Variants in DACH1 observed in about 807,000 individuals in gnomAD.
The protein encoded by DACH1 is dachshund family transcription factor 1, also known as dachshund homolog 1.
Under a neutral mutation model 54.2 loss-of-function variants are expected in DACH1, and 12 were observed. The observed-to-expected ratio is 0.22, with a 90% CI of 0.14 to 0.36. The LOEUF (loss-of-function observed/expected upper bound fraction) is 0.36, where lower values mean the gene tolerates loss of function less well. Among genes scored for constraint, DACH1 ranks in the 10% least tolerant of loss-of-function variants. The pLI, the probability that DACH1 is intolerant of heterozygous loss-of-function variation, is 1.00. For synonymous variants in DACH1, 386 were observed against 366.2 expected (o/e 1.05, Z -0.62); for missense variants, 805 against 929.8 (o/e 0.87, Z 1.75).
intron 6 of DACH1, among the ~76,000 whole-genome samples, chr13:71,496,107 T>A (rs925560521): frequency 2.6e-5 from 4 of 151,204 alleles, no homozygotes; most frequent in African/African-American, 9.7e-5. Context: ...GTAGCATGAA[T>A]CTGTAATCCC....
chr13:71,739,827 T>G (rs2137943734), intron 1 of DACH1, among the ~76,000 whole-genome samples: 1 of 152,360 alleles, frequency 6.6e-6, no homozygotes, highest in South Asian at 2.1e-4. Context: ...CATAGAATGC[T>G]GTTACAAATT....
In DACH1 at chr13:71,840,371, A is replaced by G. The variant is rs186307805; in HGVS notation, c.848+25551T>C. ...CCCCTAATTAAAAATCTTCCAATGG[A>G]AAAAAAATTTCCCAGTGATTTATTG... On this transcript the variant is annotated intron_variant, in intron 1 of 10. Transcript: ENST00000613252. Among the ~76,000 whole-genome samples, 35 of 152,238 alleles carry G rather than the reference A, an allele frequency of 2.3e-4. No homozygotes were observed. In the East Asian group the frequency reaches 6.6e-3, roughly 29 times the overall value.
rs570904523 is a variant in DACH1 at position 71,791,410 on chromosome 13, GTCCCCCAA to G, written c.848+74504_848+74511del. 2.0e-4 allele frequency among the ~76,000 whole-genome samples: 31 copies of G among 152,216 alleles called. 1 individual carries two copies. The East Asian group carries it at 5.0e-3, about 25-fold the overall frequency. On this transcript the variant is annotated intron_variant, in intron 1 of 10. Coordinates refer to ENST00000613252, the MANE Select transcript of DACH1 (RefSeq NM_080759.6). ...TTTTTTTGAGATGAAGTCTCACTCT[GTCCCCCAA>G]GTGGCAGGCGGGAGTGCAGTGGCGC...
chr13:71,540,087 T>G (rs1043039711), intron 6 of DACH1, among the ~76,000 whole-genome samples: 2 of 151,974 alleles, frequency 1.3e-5, no homozygotes, highest in Non-Finnish European at 2.9e-5. Context: ...ATCATATTTA[T>G]TTATAATATA....
intron 3 of DACH1, among the ~76,000 whole-genome samples, chr13:71,578,130 T>C (rs1885647814): frequency 6.6e-6 from 1 of 152,154 alleles, no homozygotes. Flanking sequence ...CTAGGTGACA[T>C]GTAACTATTT....
chr13:71,509,368 A>G (rs1402848938), intron 6 of DACH1, among the ~76,000 whole-genome samples: 1 of 152,152 alleles, frequency 6.6e-6, no homozygotes, highest in Admixed American at 6.6e-5. Flanking sequence ...AACTCATAAC[A>G]ATATGAAGAA....
chr13:71,852,473 G>T (rs984916850), intron 1 of DACH1, among the ~76,000 whole-genome samples: 1 of 151,814 alleles, frequency 6.6e-6, no homozygotes, highest in African/African-American at 2.4e-5. Flanking sequence ...GATTCAAGAA[G>T]CATATCCTTA....
At chr13:71,536,868 C>G (rs548673377) in intron 6 of DACH1, among the ~76,000 whole-genome samples, 11 of 152,046 alleles carry the variant, frequency 7.2e-5, no homozygotes, top group Admixed American at 3.3e-4. Flanking sequence ...CTTTAATTGC[C>G]AACACCCTAG....
intron 2 of DACH1, among the ~76,000 whole-genome samples, chr13:71,636,608 GAAAGGTT>G (rs1329352950): frequency 1.3e-5 from 2 of 149,928 alleles, no homozygotes; most frequent in African/African-American, 4.9e-5. Context: ...AATGGATTGA[GAAAGGTT>G]TCTTTAAAAA....
chr13:71,594,269 T>A (rs1873934053), intron 3 of DACH1, among the ~76,000 whole-genome samples: 1 of 151,880 alleles, frequency 6.6e-6, no homozygotes, highest in Non-Finnish European at 1.5e-5. Flanking sequence ...AGGTAACAAA[T>A]CTAGGAATAT....
chr13:71,730,146 C>T (rs2137908375), intron 1 of DACH1, among the ~76,000 whole-genome samples: 1 of 151,944 alleles, frequency 6.6e-6, no homozygotes, highest in East Asian at 1.9e-4. Context: ...CACATGTATA[C>T]ATATGTAACT....
intron 1 of DACH1, among the ~76,000 whole-genome samples, chr13:71,747,604 G>T (rs1197885160): frequency 6.6e-6 from 1 of 151,866 alleles, no homozygotes; most frequent in Non-Finnish European, 1.5e-5. Context: ...AGAAAATCAG[G>T]CATCCCAGCT....
At chr13:71,626,653 A>C (rs1257445210) in intron 3 of DACH1, among the ~76,000 whole-genome samples, 2 of 152,058 alleles carry the variant, frequency 1.3e-5, no homozygotes, top group Admixed American at 6.6e-5. Context: ...TGATATAAAC[A>C]AGAGATTGCA....
chr13:71,860,731 C>T (rs577894075), intron 1 of DACH1, among the ~76,000 whole-genome samples: 55 of 151,850 alleles, frequency 3.6e-4, no homozygotes, highest in East Asian at 9.6e-4. Context: ...ACAATGCAAT[C>T]GAAATGACTA....
At chr13:71,788,584 A>AC (rs1012005420) in intron 1 of DACH1, among the ~76,000 whole-genome samples, 18 of 151,640 alleles carry the variant, frequency 1.2e-4, no homozygotes, top group Admixed American at 4.0e-4. Context: ...CATCACACAT[A>AC]CCCCCCCACA....
intron 3 of DACH1, among the ~76,000 whole-genome samples, chr13:71,602,811 A>G (rs1298699076): frequency 6.6e-6 from 1 of 152,018 alleles, no homozygotes; most frequent in Non-Finnish European, 1.5e-5. Context: ...TCTAATTAAT[A>G]TAATAAATGT....
At chr13:71,785,023 G>A (rs1313971309) in intron 1 of DACH1, among the ~76,000 whole-genome samples, 2 of 152,092 alleles carry the variant, frequency 1.3e-5, no homozygotes, top group African/African-American at 4.8e-5. Flanking sequence ...ATGGGATTCA[G>A]GGGAAATAAA....
intron 3 of DACH1, among the ~76,000 whole-genome samples, chr13:71,595,995 C>A (rs1874066766): frequency 6.6e-6 from 1 of 152,014 alleles, no homozygotes; most frequent in Non-Finnish European, 1.5e-5. Flanking sequence ...GGTCCAAGAA[C>A]TTATTTTTTT....
intron 1 of DACH1, among the ~76,000 whole-genome samples, chr13:71,710,986 G>A (rs967355980): frequency 6.6e-5 from 10 of 152,076 alleles, no homozygotes; most frequent in Non-Finnish European, 1.5e-4. Flanking sequence ...CAATACCCTA[G>A]TCAGTTATTC....
Sources: gnomAD v4.1 joint callset for allele counts (sites outside exome capture counted in the v4.1 genomes callset) on GRCh38, gnomAD v4.1.1 for gene constraint, MANE v1.5 for transcripts, NCBI Gene and HGNC (gene_info 2026-07-23, HGNC 2026-07-21) for gene names.